The following FTCDNL1 variants were observed in gnomAD, a reference collection of about 807,000 sequenced individuals.
The protein encoded by FTCDNL1 is formiminotransferase cyclodeaminase N-terminal like.
In FTCDNL1, 11 loss-of-function variants were observed where a neutral mutation model predicts 5.9. The ratio of observed to expected loss-of-function variants is 1.87; its 90% confidence interval spans 1.18 to 3.10. The LOEUF is 3.10. Among genes scored for constraint, FTCDNL1 ranks in the 30% most tolerant of loss-of-function variants. FTCDNL1 has a pLI of 0.00. For synonymous variants in FTCDNL1, 58 were observed against 24.8 expected (o/e 2.34, Z -3.99); for missense variants, 115 against 65.5 (o/e 1.76, Z -2.61).
chr2:199,826,523 G>A (rs772352581), intron 3 of FTCDNL1, among the ~76,000 whole-genome samples: 6 of 151,486 alleles, frequency 4.0e-5, no homozygotes, highest in South Asian at 2.1e-4. Context: ...GGTTGGGTGC[G>A]GTGGCTTACG....
At chr2:199,827,516 C>T (rs1005997211) in intron 3 of FTCDNL1, among the ~76,000 whole-genome samples, 7 of 151,788 alleles carry the variant, frequency 4.6e-5, no homozygotes, top group Admixed American at 3.9e-4. Flanking sequence ...GGTGGCATTA[C>T]AGTTATGTAA....
At chr2:199,671,616 CTTTTAGGAGCTCCTAAAA>C in the FTCDNL1 span, among the ~76,000 whole-genome samples, 1 of 152,114 alleles carries the variant, frequency 6.6e-6, no homozygotes, top group Admixed American at 6.5e-5. Flanking sequence ...ATTGAAGATT[CTTTTAGGAGCTCCTAAAA>C]TCATGCACTG....
chr2:199,728,156 G>C, the FTCDNL1 span, among the ~76,000 whole-genome samples: 1 of 152,034 alleles, frequency 6.6e-6, no homozygotes, highest in African/African-American at 2.4e-5. Context: ...CTTCCCCCAT[G>C]CTCTACTATA....
intron 3 of FTCDNL1, among the ~76,000 whole-genome samples, chr2:199,769,401 C>T (rs1225975354): frequency 6.6e-6 from 1 of 152,110 alleles, no homozygotes; most frequent in African/African-American, 2.4e-5. Flanking sequence ...AATGGGAGTT[C>T]CCCTGCACAA....
intron 4 of FTCDNL1, among the ~76,000 whole-genome samples, chr2:199,817,448 A>AT (rs1437259545): frequency 6.6e-6 from 1 of 152,130 alleles, no homozygotes; most frequent in Non-Finnish European, 1.5e-5. Context: ...ATTTTTATGA[A>AT]TTTTTTTATG....
At chr2:199,699,666 C>A in the FTCDNL1 span, among the ~76,000 whole-genome samples, 1 of 152,102 alleles carries the variant, frequency 6.6e-6, no homozygotes, top group Non-Finnish European at 1.5e-5. Flanking sequence ...TACTAACAAA[C>A]CAAATCCAGT....
At chr2:199,728,725 T>G in the FTCDNL1 span, among the ~76,000 whole-genome samples, 1 of 152,214 alleles carries the variant, frequency 6.6e-6, no homozygotes, top group African/African-American at 2.4e-5. Flanking sequence ...GAACTTGAGC[T>G]ATCATTTGAT....
chr2:199,727,026 C>A, the FTCDNL1 span, among the ~76,000 whole-genome samples: 4 of 152,192 alleles, frequency 2.6e-5, no homozygotes, highest in Admixed American at 2.0e-4. Context: ...GTCTTCTGAA[C>A]CAGAAACCAT....
At chr2:199,828,946 G>A (rs923809316) in intron 3 of FTCDNL1, among the ~76,000 whole-genome samples, 7 of 152,144 alleles carry the variant, frequency 4.6e-5, no homozygotes, top group African/African-American at 1.4e-4. Flanking sequence ...GAGAAACCAT[G>A]GGATCAATTT....
At chr2:199,846,205 T>C (rs1186623697) in intron 2 of FTCDNL1, 35 bp from the exon 3 acceptor site, 8 of 664,454 alleles carry the variant, frequency 1.2e-5, no homozygotes, top group South Asian at 8.3e-5. Flanking sequence ...GCAAGAATTT[T>C]TTTTCTGTGA....
intron 3 of FTCDNL1, among the ~76,000 whole-genome samples, chr2:199,797,062 C>T (rs1219106505): frequency 6.6e-6 from 1 of 152,092 alleles, no homozygotes; most frequent in African/African-American, 2.4e-5. Context: ...AGAAACACCA[C>T]CATAATTACA....
At chr2:199,849,251 A>G (rs1260247852) in intron 1 of FTCDNL1, among the ~76,000 whole-genome samples, 1 of 152,238 alleles carries the variant, frequency 6.6e-6, no homozygotes, top group Non-Finnish European at 1.5e-5. Context: ...TTTTCATTAA[A>G]GTATGTTATC....
rs566976756 is a variant in FTCDNL1 at position 199,814,923 on chromosome 2, C to T, written c.398-2199G>A. On this transcript the variant is annotated intron_variant, in intron 4 of 4. Transcript: ENST00000420128. ...AGTAAGCAGGAAAGTGCTCAGTAAC[C>T]CATTTAAATAACTAAACAGAAGCCC... 7.9e-5 allele frequency among the ~76,000 whole-genome samples: 12 copies of T among 152,138 alleles called. No individual in the cohort carries two copies. The South Asian group carries it at 2.3e-3, about 29-fold the overall frequency.
At chr2:199,742,624 A>G in the FTCDNL1 span, among the ~76,000 whole-genome samples, 46 of 152,302 alleles carry the variant, frequency 3.0e-4, no homozygotes, top group Non-Finnish European at 6.2e-4. Context: ...ACATTGTTTA[A>G]TGATTTCAAC....
At chr2:199,665,669 GAA>G in the FTCDNL1 span, among the ~76,000 whole-genome samples, 11 of 19,536 alleles carry the variant, frequency 5.6e-4, no homozygotes, top group Admixed American at 1.4e-3. Context: ...AAGAAAGAAA[GAA>G]GAGAACGGCC....
the FTCDNL1 span, among the ~76,000 whole-genome samples, chr2:199,752,735 TCTCTC>T: frequency 6.9e-4 from 58 of 84,528 alleles, no homozygotes; most frequent in African/African-American, 2.1e-3. Flanking sequence ...ACTATCTCTC[TCTCTC>T]TGTGTGTGTG....
the FTCDNL1 span, among the ~76,000 whole-genome samples, chr2:199,669,853 T>C: frequency 6.6e-6 from 1 of 150,636 alleles, no homozygotes; most frequent in Non-Finnish European, 1.5e-5. Flanking sequence ...AAAGATAATA[T>C]TTTATACAAG....
chr2:199,732,161 T>C, the FTCDNL1 span, among the ~76,000 whole-genome samples: 2 of 152,204 alleles, frequency 1.3e-5, no homozygotes, highest in Non-Finnish European at 2.9e-5. Context: ...AGCCTCCTTT[T>C]GGCCTTTTTT....
chr2:199,665,136 G>A, the FTCDNL1 span, among the ~76,000 whole-genome samples: 2 of 152,132 alleles, frequency 1.3e-5, no homozygotes, highest in Non-Finnish European at 2.9e-5. Flanking sequence ...TTTCCAGAGG[G>A]GATCATTTTG....
Sources: allele counts gnomAD v4.1 joint callset (sites outside exome capture counted in the v4.1 genomes callset), GRCh38; gene constraint gnomAD v4.1.1; transcripts MANE v1.5; gene names NCBI Gene and HGNC (gene_info 2026-07-23, HGNC 2026-07-21).